ATP9B: variants seen among roughly 807,000 people sequenced by gnomAD.
ATP9B encodes ATPase phospholipid transporting 9B.
A neutral mutation model predicts 146.1 loss-of-function variants in ATP9B; 110 were observed. The observed-to-expected ratio is 0.75, with a 90% CI of 0.65 to 0.88. ATP9B has a LOEUF of 0.88. Ranked by LOEUF, ATP9B falls within the 40% of genes least tolerant of loss-of-function variation. The pLI, the probability that ATP9B is intolerant of heterozygous loss-of-function variation, is 0.00. For synonymous variants in ATP9B, 604 were observed against 569.7 expected (o/e 1.06, Z -0.86); for missense variants, 1,499 against 1,496.4 (o/e 1.00, Z -0.03).
intron 13 of ATP9B, among the ~76,000 whole-genome samples, chr18:79,290,303 A>C (rs568957865): frequency 5.8e-4 from 88 of 152,188 alleles, no homozygotes; most frequent in Non-Finnish European, 9.8e-4. Flanking sequence ...TGTTTACCTA[A>C]GCAAGCCTGG....
At chr18:79,332,646 G>A (rs2096797932) in intron 17 of ATP9B, among the ~76,000 whole-genome samples, 1 of 152,240 alleles carries the variant, frequency 6.6e-6, no homozygotes. Context: ...AGCTCACTCC[G>A]CATAAACTTT....
chr18:79,244,993 TTG>T lies in ATP9B; in HGVS notation c.1108-8387_1108-8386del, dbSNP rs2095929279. Among the ~76,000 whole-genome samples the T allele has an allele frequency of 4.6e-5, 7 of 152,318 alleles. 1 individual carries two copies. The South Asian group carries it at 1.5e-3, about 32-fold the overall frequency. On this transcript the variant is annotated intron_variant, in intron 11 of 29. Transcript: ENST00000426216. ...TTATATGCTTTGGGGCAAGAAGTAT[TTG>T]AGTGTGTGCCTTGTAAAGAAGCATG...
rs1167360551 is a variant in ATP9B at position 79,327,583 on chromosome 18, C to T, written c.1774-1558C>T. Reference sequence around the variant, plus strand: ...TGCTCTCCGTGGTTAGCGTGCTCTCCGTGGTTAACGTGCCCTCCGTGGTTA... The same window carrying T: ...TGCTCTCCGTGGTTAGCGTGCTCTCTGTGGTTAACGTGCCCTCCGTGGTTA... On this transcript the variant is annotated intron_variant, in intron 15 of 29. Transcript: ENST00000426216. 2.0e-3 allele frequency among the ~76,000 whole-genome samples: 241 copies of T among 123,244 alleles called. 4 individuals carry two copies. The highest frequency in any genetic ancestry group is 2.4e-3 in the Non-Finnish European group (146 of 59,800). The allele number at this position is 123,244 out of a possible 152,430, so 80.9% of individuals were successfully genotyped here.
intron 7 of ATP9B, among the ~76,000 whole-genome samples, chr18:79,169,324 T>C (rs962110219): frequency 2.6e-5 from 4 of 152,238 alleles, no homozygotes; most frequent in African/African-American, 7.2e-5. Context: ...TTACTTGTTA[T>C]ACTGTCACCT....
chr18:79,148,366 T>G (rs1263288881), intron 6 of ATP9B, among the ~76,000 whole-genome samples: 1 of 152,194 alleles, frequency 6.6e-6, no homozygotes, highest in African/African-American at 2.4e-5. Context: ...TGCAGCCCAG[T>G]TGGTATCAGC....
At chr18:79,116,985 G>C (rs1424797644) in intron 4 of ATP9B, among the ~76,000 whole-genome samples, 1 of 113,082 alleles carries the variant, frequency 8.8e-6, no homozygotes, top group Admixed American at 8.5e-5. Flanking sequence ...AAAGTCTAAA[G>C]AATGTCCATT....
At position 79,083,447 on chromosome 18, in the gene ATP9B, G is replaced by A. The variant is rs188471655; in HGVS notation, c.120-13029G>A. Among the ~76,000 whole-genome samples the A allele has an allele frequency of 1.3e-3, 198 of 152,272 alleles. 1 individual carries two copies. The highest frequency in any genetic ancestry group is 4.5e-3 in the African/African-American group (187 of 41,550). On this transcript the variant is annotated intron_variant, in intron 1 of 29. Coordinates refer to ENST00000426216, the MANE Select transcript of ATP9B (RefSeq NM_198531.5). ...TCTTGTTGGCATTCCAGGCGCCACTGGGGTATGAAAAAAGACTCCTGCAGC... is the reference window on the plus strand; with the variant it reads ...TCTTGTTGGCATTCCAGGCGCCACTAGGGTATGAAAAAAGACTCCTGCAGC...
At position 79,377,278 on chromosome 18, in the gene ATP9B, G is replaced by A. The variant is rs1253018878; in HGVS notation, c.3339G>A (p.Leu1113=). 1.9e-6 allele frequency: 3 copies of A among 1,612,238 alleles called. No homozygotes were observed. The highest frequency in any genetic ancestry group is 1.7e-6 in the Non-Finnish European group (2 of 1,180,000). ...DVAFITTVTF[L]WKVSAITVVS... is the part of the protein sequence containing the mutation. ...CCTTTATCACCACCGTGACCTTCCTGTGGAAAGTGTCGGCGATCACCGTGG... is the reference window on the plus strand; with the variant it reads ...CCTTTATCACCACCGTGACCTTCCTATGGAAAGTGTCGGCGATCACCGTGG... Residue 1113 remains leucine, a synonymous_variant, in exon 30 of 30, where the codon CTG becomes CTA. Transcript: ENST00000426216.
intron 13 of ATP9B, among the ~76,000 whole-genome samples, chr18:79,277,640 A>G (rs1477447584): frequency 6.6e-6 from 1 of 152,204 alleles, no homozygotes; most frequent in Non-Finnish European, 1.5e-5. Context: ...GCTTTACTAC[A>G]GACTATTTAT....
At chr18:79,206,480 T>G (rs1189618120) in intron 9 of ATP9B, among the ~76,000 whole-genome samples, 1 of 152,076 alleles carries the variant, frequency 6.6e-6, no homozygotes, top group Non-Finnish European at 1.5e-5. Context: ...TCCAGGAGTG[T>G]TGTTAAATGA....
At chr18:79,353,544 C>T (rs1398519098) in intron 25 of ATP9B, 1 of 152,302 alleles carries the variant, frequency 6.6e-6, no homozygotes, top group Non-Finnish European at 1.5e-5. Flanking sequence ...CACCGCTGGC[C>T]CGAAGAGACC....
chr18:79,078,247 G>A (rs580457), intron 1 of ATP9B: 58,884 of 152,106 alleles, frequency 0.39, 11,834 homozygotes, highest in East Asian at 0.52. Context: ...CCCTTTTCCT[G>A]GTCCTTTGGC....
chr18:79,297,518 G>A (rs1275732185), intron 13 of ATP9B, among the ~76,000 whole-genome samples: 3 of 152,264 alleles, frequency 2.0e-5, no homozygotes, highest in East Asian at 1.9e-4. Flanking sequence ...GGGTATTTTT[G>A]GTAATATATC....
intron 9 of ATP9B, among the ~76,000 whole-genome samples, chr18:79,201,715 G>A (rs1310801618): frequency 1.3e-5 from 2 of 152,152 alleles, no homozygotes; most frequent in East Asian, 3.9e-4. Context: ...GACTACGGGT[G>A]TGCGCCACCA....
At chr18:79,374,123 T>C in intron 28 of ATP9B, 22 bp downstream of exon 28, 1 of 1,608,566 alleles carries the variant, frequency 6.2e-7, no homozygotes, top group Non-Finnish European at 8.5e-7. Context: ...TGGAATTGTT[T>C]TTTGAATCGT....
At chr18:79,328,519 G>A (rs545584428) in intron 15 of ATP9B, among the ~76,000 whole-genome samples, 2 of 152,308 alleles carry the variant, frequency 1.3e-5, no homozygotes, top group African/African-American at 4.8e-5. Context: ...TTTTCCACAT[G>A]ACAGAAGAGG....
intron 11 of ATP9B, among the ~76,000 whole-genome samples, chr18:79,220,869 A>C (rs921067590): frequency 6.6e-6 from 1 of 152,150 alleles, no homozygotes; most frequent in African/African-American, 2.4e-5. Context: ...GTAGGATGTC[A>C]CGCCCTCTTG....
intron 12 of ATP9B, among the ~76,000 whole-genome samples, chr18:79,272,645 C>T (rs1311846290): frequency 6.6e-6 from 1 of 152,214 alleles, no homozygotes; most frequent in Non-Finnish European, 1.5e-5. Flanking sequence ...GAATCCTGCA[C>T]GGATATGCTC....
At chr18:79,210,610 C>G (rs946773957) in intron 10 of ATP9B, among the ~76,000 whole-genome samples, 6 of 152,220 alleles carry the variant, frequency 3.9e-5, no homozygotes, top group Non-Finnish European at 5.9e-5. Flanking sequence ...ATCAGTTTTC[C>G]TGCACTTGGT....
Sources: allele counts gnomAD v4.1 joint callset (sites outside exome capture counted in the v4.1 genomes callset), GRCh38; gene constraint gnomAD v4.1.1; transcripts MANE v1.5; gene names NCBI Gene and HGNC (gene_info 2026-07-23, HGNC 2026-07-21).